Variants in SIMC1 observed in about 807,000 individuals in gnomAD.
The protein encoded by SIMC1 is SUMO interacting motifs containing 1.
Under a neutral mutation model 82.3 loss-of-function variants are expected in SIMC1, and 55 were observed. That is an observed-to-expected ratio of 0.67 (90% confidence interval 0.54 to 0.84). SIMC1 has a LOEUF of 0.84. Among genes scored for constraint, SIMC1 ranks in the 40% least tolerant of loss-of-function variants. The pLI is 0.00. For missense variants in SIMC1, 915 were observed against 1,107.2 expected, an observed-to-expected ratio of 0.83 and a Z score of 2.46; for synonymous variants, 353 against 426.3, an observed-to-expected ratio of 0.83 and a Z score of 2.12.
intron 7 of SIMC1, among the ~76,000 whole-genome samples, chr5:176,329,496 T>A (rs994225757): frequency 1.6e-5 from 2 of 126,564 alleles, no homozygotes; most frequent in Non-Finnish European, 1.6e-5. Flanking sequence ...ACTCCCTCTT[T>A]AAAAAAAAAA....
intron 1 of SIMC1, among the ~76,000 whole-genome samples, chr5:176,246,344 T>C (rs1367798135): frequency 6.6e-6 from 1 of 151,874 alleles, no homozygotes; most frequent in Non-Finnish European, 1.5e-5. Flanking sequence ...AACTCACATT[T>C]CCCTCATTTG....
chr5:176,331,420 A>G (rs914028544), intron 7 of SIMC1, among the ~76,000 whole-genome samples: 2 of 150,474 alleles, frequency 1.3e-5, no homozygotes, highest in Non-Finnish European at 3.0e-5. Context: ...ATGTAAAGCA[A>G]TTCTCCTGCC....
chr5:176,276,660 A>C (rs1179563956), intron 1 of SIMC1, among the ~76,000 whole-genome samples: 2 of 136,628 alleles, frequency 1.5e-5, no homozygotes, highest in East Asian at 2.2e-4. Flanking sequence ...ATGTGATCTC[A>C]TTGTTCAATT....
intron 1 of SIMC1, among the ~76,000 whole-genome samples, chr5:176,259,835 C>T (rs1581224336): frequency 2.0e-5 from 3 of 151,684 alleles, no homozygotes; most frequent in Admixed American, 2.0e-4. Context: ...GAACCTGCCC[C>T]TATCTATTTC....
At chr5:176,330,809 T>C (rs1052575093) in intron 7 of SIMC1, among the ~76,000 whole-genome samples, 7 of 152,134 alleles carry the variant, frequency 4.6e-5, no homozygotes, top group African/African-American at 1.7e-4. Context: ...TGGTGAAAGA[T>C]TGTGGAGTAA....
At position 176,275,318 on chromosome 5, in the gene SIMC1, A is replaced by T. The variant is rs569901559; in HGVS notation, c.130-14336A>T. Among the ~76,000 whole-genome samples the T allele has an allele frequency of 3.2e-3, 487 of 151,936 alleles. 13 individuals are homozygous for T. The highest frequency in any genetic ancestry group is 5.5e-3 in the Non-Finnish European group (373 of 67,864). ...GAATGCTTGTAATTTTTGTACATTG[A>T]TTTTGTATCCTGAGACTTTGCTGAA... On this transcript the variant is annotated intron_variant, in intron 1 of 9. Coordinates refer to ENST00000429602, the MANE Select transcript of SIMC1 (RefSeq NM_001308195.2).
Position 176,321,088 on chromosome 5 carries a change from C to T in SIMC1, c.1890-1185C>T, listed in dbSNP as rs533625409. On this transcript the variant is annotated intron_variant, in intron 5 of 9. Coordinates refer to ENST00000429602, the MANE Select transcript of SIMC1 (RefSeq NM_001308195.2). ...TTGCACCCAGGTGATCATCATTCTG[C>T]ATGGTCATCATTTCATTTCTTTCCT... is the stretch of plus-strand genomic sequence containing the variant. Among the ~76,000 whole-genome samples the T allele has an allele frequency of 3.7e-4, 57 of 152,306 alleles. 1 individual carries two copies. Among genetic ancestry groups the T allele is most frequent in the Middle Eastern group, 3.4e-3 (1 of 294 alleles).
At chr5:176,240,938 G>T (rs112385266) in intron 1 of SIMC1, among the ~76,000 whole-genome samples, 2,792 of 89,302 alleles carry the variant, frequency 0.031, 831 homozygotes, top group Middle Eastern at 0.096. Flanking sequence ...CTAAGCCCAG[G>T]CCTGTCCCTC....
rs762335984 is a variant in SIMC1, at chr5:176,336,781, T to C, written c.2233T>C (p.Phe745Leu). The change falls in exon 8 of 10, where the codon TTC becomes CTC. Residue 745 changes from phenylalanine to leucine, a missense_variant. Around this residue, in one of 2 missense-constraint regions of SIMC1, gnomAD observed 902 missense variants for 1,040.3 expected, o/e 0.87. Coordinates refer to ENST00000429602, the MANE Select transcript of SIMC1 (RefSeq NM_001308195.2). Reference sequence around the variant, plus strand: ...GCGCTGCAAAGTGTTAGAAATCATATTCCTCCACAGCTGTGAGACACCCAC... The same window carrying C: ...GCGCTGCAAAGTGTTAGAAATCATACTCCTCCACAGCTGTGAGACACCCAC... ...LLRCKVLEII[F>L]LHSCETPTRL... is the part of the protein sequence containing the mutation. 1.2e-6 allele frequency: 2 copies of C among 1,613,920 alleles called. No homozygotes were observed. Among genetic ancestry groups the C allele is most frequent in the East Asian group, 2.2e-5 (1 of 44,896 alleles).
chr5:176,285,057 T>G (rs1250329691), intron 1 of SIMC1, among the ~76,000 whole-genome samples: 1 of 152,078 alleles, frequency 6.6e-6, no homozygotes, highest in Non-Finnish European at 1.5e-5. Flanking sequence ...CTACCAGAGG[T>G]ACAAGGGGGA....
intron 1 of SIMC1, among the ~76,000 whole-genome samples, chr5:176,288,431 A>G (rs148919479): frequency 6.1e-5 from 7 of 114,440 alleles, no homozygotes; most frequent in South Asian, 5.8e-4. Flanking sequence ...ATGAATAAAT[A>G]AATAAATAAA....
At chr5:176,276,278 C>A (rs1373689856) in intron 1 of SIMC1, among the ~76,000 whole-genome samples, 1 of 151,450 alleles carries the variant, frequency 6.6e-6, no homozygotes, top group African/African-American at 2.4e-5. Flanking sequence ...TTGTAGTATT[C>A]TCTGATGGTA....
At chr5:176,329,496 TAAAAAAAAAAAA>T in intron 7 of SIMC1, among the ~76,000 whole-genome samples, 1 of 126,564 alleles carries the variant, frequency 7.9e-6, no homozygotes, top group African/African-American at 3.0e-5. Flanking sequence ...ACTCCCTCTT[TAAAAAAAAAAAA>T]AAAAAAAAAT....
intron 4 of SIMC1, among the ~76,000 whole-genome samples, chr5:176,302,398 TAAAAG>T (rs1379152268): frequency 6.6e-6 from 1 of 151,962 alleles, no homozygotes; most frequent in Non-Finnish European, 1.5e-5. Flanking sequence ...AAACTAGAAA[TAAAAG>T]AAAACTACCT....
At chr5:176,326,112 G>A (rs556649742) in intron 7 of SIMC1, among the ~76,000 whole-genome samples, 7 of 152,144 alleles carry the variant, frequency 4.6e-5, no homozygotes, top group African/African-American at 7.2e-5. Flanking sequence ...GAGTCATTGC[G>A]TAGTGGTGAC....
chr5:176,247,022 G>T (rs1435416571), intron 1 of SIMC1, among the ~76,000 whole-genome samples: 1 of 152,034 alleles, frequency 6.6e-6, no homozygotes, highest in Non-Finnish European at 1.5e-5. Context: ...TGGGCATTTG[G>T]GTTGGTTCCA....
chr5:176,280,350 A>G (rs1762933792), intron 1 of SIMC1, among the ~76,000 whole-genome samples: 1 of 151,558 alleles, frequency 6.6e-6, no homozygotes, highest in South Asian at 2.1e-4. Context: ...CCATCCTTTT[A>G]TTTTGAGCCT....
intron 1 of SIMC1, among the ~76,000 whole-genome samples, chr5:176,250,487 C>T (rs1015919924): frequency 6.6e-6 from 1 of 152,148 alleles, no homozygotes; most frequent in Admixed American, 6.5e-5. Flanking sequence ...CCACTTGTTC[C>T]AGACCTGAGT....
intron 2 of SIMC1, among the ~76,000 whole-genome samples, chr5:176,291,496 C>G (rs1454315911): frequency 6.6e-6 from 1 of 152,070 alleles, no homozygotes; most frequent in Non-Finnish European, 1.5e-5. Flanking sequence ...GCTACCACGC[C>G]CAGCTGATTT....
Sources: allele counts gnomAD v4.1 joint callset (sites outside exome capture counted in the v4.1 genomes callset), GRCh38; gene constraint gnomAD v4.1.1; regional missense constraint gnomAD v4.1.1; transcripts MANE v1.5; gene names NCBI Gene and HGNC (gene_info 2026-07-23, HGNC 2026-07-21).